CRIPT: variants seen among roughly 807,000 people sequenced by gnomAD.
CRIPT encodes the protein CXXC repeat containing interactor of PDZ3 domain.
A neutral mutation model predicts 16.6 loss-of-function variants in CRIPT; 20 were observed. The ratio of observed to expected loss-of-function variants is 1.20; its 90% CI spans 0.85 to 1.75. The LOEUF (loss-of-function observed/expected upper bound fraction) is 1.75, where lower values mean the gene tolerates loss of function less well. Among genes scored for constraint, CRIPT ranks in the 40% most tolerant of loss-of-function variants. The pLI is 0.00. For synonymous variants in CRIPT, 42 were observed against 37.0 expected, an observed-to-expected ratio of 1.14 and a Z score of -0.49; for missense variants, 133 against 115.3, an observed-to-expected ratio of 1.15 and a Z score of -0.70.
chr2:46,623,552 C>A (rs977331292), intron 3 of CRIPT, among the ~76,000 whole-genome samples: 7 of 152,082 alleles, frequency 4.6e-5, no homozygotes, highest in African/African-American at 1.7e-4. Context: ...ACAACTGATT[C>A]TTTATAAGTA....
rs180928105 is a variant in CRIPT, at chr2:46,629,974, C to A, written c.*5747C>A. 1.1e-3 allele frequency among the ~76,000 whole-genome samples: 160 copies of A among 152,240 alleles called. No homozygotes were observed. The highest frequency in any genetic ancestry group is 3.7e-3 in the African/African-American group (154 of 41,540). The stretch of plus-strand genomic sequence containing the variant: ...TATTATTTCTGTATTAATTAGTCAT[C>A]ATTCTACTGTAAGGAAGAGGTTTCC... On this transcript the variant is annotated 3_prime_UTR_variant, in exon 5 of 5. Transcript: ENST00000238892.
intron 1 of CRIPT, 78 bp downstream of exon 1, chr2:46,617,376 C>A: frequency 2.0e-6 from 3 of 1,490,150 alleles, no homozygotes; most frequent in South Asian, 1.3e-5. Context: ...TTTGCTTTCT[C>A]GTTGTTTTTT....
At position 46,623,704 on chromosome 2, in the gene CRIPT, G is replaced by C. The variant is rs375390924; in HGVS notation, c.138-60G>C. On this transcript the variant is annotated intron_variant, in intron 3 of 4. Transcript: ENST00000238892. ...TAATCCTGTGTGTTGCGTAAGTGGGGTTATTTAAGAGTGTTTCTAGTGTAA... is the reference window on the plus strand; with the variant it reads ...TAATCCTGTGTGTTGCGTAAGTGGGCTTATTTAAGAGTGTTTCTAGTGTAA... The C allele has an allele frequency of 3.5e-5, 32 of 903,714 alleles. No homozygotes were observed. In the African/African-American group the frequency reaches 5.1e-4, roughly 14 times the overall value. 56.0% of individuals were successfully genotyped at this position (903,714 alleles called of 1,614,324 possible).
At position 46,629,598 on chromosome 2, in the gene CRIPT, G is replaced by A. The variant is rs72877466; in HGVS notation, c.*5371G>A. On this transcript the variant is annotated 3_prime_UTR_variant, in exon 5 of 5. Transcript: ENST00000238892. ...TAAAGGATAGAGTATCCTTCTATTT[G>A]GGTTTTTCTGATGTTTCCTCATGGT... Among the ~76,000 whole-genome samples, 7,388 of 152,154 alleles carry A rather than the reference G, an allele frequency of 0.049. 254 individuals carry two copies. Among genetic ancestry groups the A allele is most frequent in the African/African-American group, 0.11 (4,396 of 41,486 alleles).
intron 1 of CRIPT, 128 bp downstream of exon 1, chr2:46,617,426 A>C: frequency 2.8e-6 from 3 of 1,087,082 alleles, no homozygotes; most frequent in Non-Finnish European, 4.0e-6. Flanking sequence ...CTGTCTTTCT[A>C]CCCTACCCTT....
At position 46,625,970 on chromosome 2, in the gene CRIPT, T is replaced by A. The variant is rs1670927998; in HGVS notation, c.*1743T>A. ...ATAATTTCAACTTTTATTTTAGATG[T>A]AGGGGTACATGTGCAGGTGAGTTAT... is the stretch of plus-strand genomic sequence containing the variant. On this transcript the variant is annotated 3_prime_UTR_variant, in exon 5 of 5. Transcript: ENST00000238892. Among the ~76,000 whole-genome samples, 1 of 152,176 alleles carries A rather than the reference T, an allele frequency of 6.6e-6. No homozygotes were observed. Among genetic ancestry groups the A allele is most frequent in the Admixed American group, 6.5e-5 (1 of 15,284 alleles).
intron 3 of CRIPT, among the ~76,000 whole-genome samples, chr2:46,620,469 C>G (rs192421245): frequency 2.2e-4 from 34 of 151,836 alleles, no homozygotes; most frequent in African/African-American, 7.7e-4. Context: ...TTTCGTGAAC[C>G]CTTTCATCTG....
In CRIPT at chr2:46,624,109, A is replaced by C. The variant is rs1670877646; in HGVS notation, c.242-54A>C. ...TGTTTTAAGCTTCAGGATTGACTTA[A>C]ACCAAACAGTTGGTATTATGATTTG... On this transcript the variant is annotated intron_variant, in intron 4 of 4. Coordinates refer to ENST00000238892, the MANE Select transcript of CRIPT (RefSeq NM_014171.6). 3.0e-6 allele frequency: 4 copies of C among 1,317,232 alleles called. No individual in the cohort carries two copies. In the South Asian group the frequency reaches 5.3e-5, roughly 17 times the overall value. The allele number at this position is 1,317,232 out of a possible 1,614,324, so 81.6% of individuals were successfully genotyped here.
chr2:46,627,482 T>C lies in CRIPT; in HGVS notation c.*3255T>C, dbSNP rs568459527. Among the ~76,000 whole-genome samples the C allele has an allele frequency of 1.0e-3, 152 of 151,970 alleles. 1 individual carries two copies. Among genetic ancestry groups the C allele is most frequent in the Admixed American group, 1.6e-3 (25 of 15,246 alleles). Reference sequence around the variant, plus strand: ...CCCCAAAGACAGAGTCTCCTTCTGTTGCCCAGGCTGGAGTACAGTGGTACA... The same window carrying C: ...CCCCAAAGACAGAGTCTCCTTCTGTCGCCCAGGCTGGAGTACAGTGGTACA... On this transcript the variant is annotated 3_prime_UTR_variant, in exon 5 of 5. Coordinates refer to ENST00000238892, the MANE Select transcript of CRIPT (RefSeq NM_014171.6).
In CRIPT at chr2:46,624,152, T is replaced by A; in HGVS notation, c.242-11T>A. 6.4e-6 allele frequency: 10 copies of A among 1,552,370 alleles called. No individual in the cohort carries two copies. The highest frequency in any genetic ancestry group is 8.7e-6 in the Non-Finnish European group (10 of 1,143,466). ...ATGATTTGATTGATCACATATCTTC[T>A]TTTGTTTCAGGCATCTGTGCGATGT... On this transcript the variant is annotated splice_polypyrimidine_tract_variant and intron_variant, in intron 4 of 4. Transcript: ENST00000238892.
rs1357322163 is a variant in CRIPT at position 46,623,891 on chromosome 2, T to G, written c.241+24T>G. On this transcript the variant is annotated intron_variant, in intron 4 of 4. Transcript: ENST00000238892. Reference sequence around the variant, plus strand: ...AGGTAAGTTTCTTTTAATACCGTTTTCTATTCATAAAACCGACTTCATTTG... The same window carrying G: ...AGGTAAGTTTCTTTTAATACCGTTTGCTATTCATAAAACCGACTTCATTTG... The G allele has an allele frequency of 2.7e-6, 4 of 1,507,340 alleles. No individual in the cohort carries two copies. The African/African-American group carries it at 5.6e-5, about 21-fold the overall frequency. 93.4% of individuals were successfully genotyped at this position (1,507,340 alleles called of 1,614,324 possible).
chr2:46,628,882 C>T lies in CRIPT; in HGVS notation c.*4655C>T, dbSNP rs1411533241. Among the ~76,000 whole-genome samples, 1 of 152,034 alleles carries T rather than the reference C, an allele frequency of 6.6e-6. No homozygotes were observed. The highest frequency in any genetic ancestry group is 1.5e-5 in the Non-Finnish European group (1 of 67,998). On this transcript the variant is annotated 3_prime_UTR_variant, in exon 5 of 5. Transcript: ENST00000238892. ...CAGAATTAAGGCCTTATGCCACAGC[C>T]AGAGTTGAAAAATGCAGAAAAAAAG...
At chr2:46,618,986 T>C in intron 2 of CRIPT, 148 bp downstream of exon 2, 1 of 524,986 alleles carries the variant, frequency 1.9e-6, no homozygotes, top group East Asian at 3.3e-5. Context: ...TCAAGTGATT[T>C]AATATCTTCT....
rs188847130 is a variant in CRIPT at position 46,627,740 on chromosome 2, C to T, written c.*3513C>T. ...GATTACAGGCATGAGCCACTGCACC[C>T]GGCCCCTTATATTTAAATCTTTAAT... On this transcript the variant is annotated 3_prime_UTR_variant, in exon 5 of 5. Coordinates refer to ENST00000238892, the MANE Select transcript of CRIPT (RefSeq NM_014171.6). Among the ~76,000 whole-genome samples, 45 of 152,286 alleles carry T rather than the reference C, an allele frequency of 3.0e-4. No homozygotes were observed. The highest frequency in any genetic ancestry group is 9.2e-4 in the Admixed American group (14 of 15,292).
At chr2:46,617,372 T>C in intron 1 of CRIPT, 74 bp downstream of exon 1, 2 of 1,494,928 alleles carry the variant, frequency 1.3e-6, no homozygotes, top group Non-Finnish European at 1.8e-6. Flanking sequence ...GAACTTTGCT[T>C]TCTCGTTGTT....
rs1670682265 is a variant in CRIPT at position 46,617,265 on chromosome 2, G to C, written c.-18G>C. The C allele has an allele frequency of 1.3e-6, 2 of 1,554,414 alleles. No individual in the cohort carries two copies. Among genetic ancestry groups the C allele is most frequent in the Non-Finnish European group, 1.7e-6 (2 of 1,148,050 alleles). The stretch of plus-strand genomic sequence containing the variant: ...GCTGCTGCTGCTGTTGCGGCTAGGG[G>C]AACCGTCGTGGGGAAGGATGGTGTG... On this transcript the variant is annotated 5_prime_UTR_variant, in exon 1 of 5. Coordinates refer to ENST00000238892, the MANE Select transcript of CRIPT (RefSeq NM_014171.6).
rs561962737 is a variant in CRIPT, at chr2:46,627,699, T to C, written c.*3472T>C. 3.8e-4 allele frequency among the ~76,000 whole-genome samples: 57 copies of C among 151,840 alleles called. No individual in the cohort carries two copies. The highest frequency in any genetic ancestry group is 1.3e-3 in the African/African-American group (53 of 41,416). ...GCCTCAAGTGATCCACCCACCTCAG[T>C]CTCCCAAAGTGCTGGGATTACAGGC... On this transcript the variant is annotated 3_prime_UTR_variant, in exon 5 of 5. Transcript: ENST00000238892.
intron 3 of CRIPT, 112 bp downstream of exon 3, chr2:46,619,793 G>T (rs1670759680): frequency 2.5e-6 from 2 of 788,428 alleles, no homozygotes; most frequent in African/African-American, 3.5e-5. Flanking sequence ...AGAGTTAGGT[G>T]GTTCCTAGCA....
chr2:46,623,523 C>T (rs577275143), intron 3 of CRIPT, among the ~76,000 whole-genome samples: 3 of 152,268 alleles, frequency 2.0e-5, no homozygotes, highest in African/African-American at 7.2e-5. Flanking sequence ...GATATGAACA[C>T]GTCAAGAATA....
Sources: allele counts gnomAD v4.1 joint callset (sites outside exome capture counted in the v4.1 genomes callset), GRCh38; gene constraint gnomAD v4.1.1; transcripts MANE v1.5; gene names NCBI Gene and HGNC (gene_info 2026-07-23, HGNC 2026-07-21).